KCNMA1: variants seen among roughly 807,000 people sequenced by gnomAD.
KCNMA1 encodes potassium calcium-activated channel subfamily M alpha 1, also known as Calcium-activated potassium channel subunit alpha-1.
In KCNMA1, 29 loss-of-function variants were observed where a neutral mutation model predicts 140.0. The observed-to-expected ratio is 0.21, with a 90% CI of 0.15 to 0.28. The LOEUF is 0.28. Ranked by LOEUF, KCNMA1 falls within the 10% of genes least tolerant of loss-of-function variation. The pLI, the probability that KCNMA1 is intolerant of heterozygous loss-of-function variation, is 1.00. For missense variants in KCNMA1, 880 were observed against 1,602.2 expected (o/e 0.55, Z 7.70); for synonymous variants, 612 against 611.9 (o/e 1.00, Z 0.00).
intron 23 of KCNMA1, among the ~76,000 whole-genome samples, chr10:76,932,220 A>G (rs994104904): frequency 1.3e-5 from 2 of 152,216 alleles, no homozygotes; most frequent in African/African-American, 4.8e-5. Context: ...GTATTGTTCA[A>G]ACATATTAGT....
At chr10:77,144,799 G>T (rs1444443936) in intron 5 of KCNMA1, among the ~76,000 whole-genome samples, 1 of 152,132 alleles carries the variant, frequency 6.6e-6, no homozygotes, top group Non-Finnish European at 1.5e-5. Flanking sequence ...AGAGATGGCT[G>T]GTTTAATTGG....
intron 2 of KCNMA1, among the ~76,000 whole-genome samples, chr10:77,360,961 A>G (rs2093898686): frequency 6.6e-6 from 1 of 151,452 alleles, no homozygotes; most frequent in Admixed American, 6.6e-5. Flanking sequence ...CTGAATAGTG[A>G]CCCTGGGGCT....
chr10:77,008,541 G>C (rs1390042613), intron 18 of KCNMA1, among the ~76,000 whole-genome samples: 1 of 152,212 alleles, frequency 6.6e-6, no homozygotes, highest in Non-Finnish European at 1.5e-5. Context: ...ACTATCACAG[G>C]ATTTCCAGAA....
chr10:77,493,469 C>T (rs759647886), intron 1 of KCNMA1, among the ~76,000 whole-genome samples: 11 of 152,216 alleles, frequency 7.2e-5, no homozygotes, highest in Non-Finnish European at 1.3e-4. Flanking sequence ...AGGCGTCAAG[C>T]GTGAGTTGGA....
intron 24 of KCNMA1, chr10:76,910,836 G>C (rs2049881249): frequency 6.5e-6 from 1 of 154,306 alleles, no homozygotes; most frequent in Non-Finnish European, 1.4e-5. Context: ...AGCAGATGCA[G>C]CATTGGATGC....
chr10:77,481,686 A>C (rs931335626), intron 1 of KCNMA1, among the ~76,000 whole-genome samples: 5 of 151,540 alleles, frequency 3.3e-5, no homozygotes, highest in Non-Finnish European at 7.4e-5. Context: ...GAGACAGGAG[A>C]ATGGCGTGAA....
At chr10:76,958,120 A>C (rs2069154663) in intron 20 of KCNMA1, among the ~76,000 whole-genome samples, 1 of 152,176 alleles carries the variant, frequency 6.6e-6, no homozygotes, top group Non-Finnish European at 1.5e-5. Flanking sequence ...TGATCCAGGG[A>C]GACCCAGAGG....
intron 1 of KCNMA1, among the ~76,000 whole-genome samples, chr10:77,583,269 A>G (rs564244692): frequency 6.6e-6 from 1 of 152,332 alleles, no homozygotes; most frequent in East Asian, 1.9e-4. Flanking sequence ...TAGTCCCACT[A>G]TGAAGCCCAT....
chr10:77,012,730 CT>C (rs756554099), intron 17 of KCNMA1, among the ~76,000 whole-genome samples: 2 of 152,192 alleles, frequency 1.3e-5, no homozygotes, highest in Non-Finnish European at 2.9e-5. Context: ...CAAAGCTCAG[CT>C]GACCACTGGA....
At chr10:77,429,512 T>C (rs1385571966) in intron 1 of KCNMA1, among the ~76,000 whole-genome samples, 1 of 152,182 alleles carries the variant, frequency 6.6e-6, no homozygotes, top group East Asian at 1.9e-4. Context: ...ATTCCCAAAG[T>C]AGAATTCCAA....
chr10:77,208,338 T>G (rs575710210), intron 3 of KCNMA1, among the ~76,000 whole-genome samples: 3 of 152,274 alleles, frequency 2.0e-5, no homozygotes, highest in African/African-American at 7.2e-5. Flanking sequence ...TAAACCTGTA[T>G]GCAGAGCCAG....
At chr10:77,361,582 G>A (rs964600317) in intron 2 of KCNMA1, among the ~76,000 whole-genome samples, 2 of 152,252 alleles carry the variant, frequency 1.3e-5, no homozygotes, top group African/African-American at 2.4e-5. Flanking sequence ...AGAGGTGCAC[G>A]AAAGGAGTTT....
intron 1 of KCNMA1, among the ~76,000 whole-genome samples, chr10:77,505,562 T>G (rs1272700914): frequency 1.3e-5 from 2 of 152,190 alleles, no homozygotes; most frequent in South Asian, 4.1e-4. Flanking sequence ...AAACAGAAGC[T>G]TCCTGGCTTT....
chr10:77,593,010 C>T (rs574871685), intron 1 of KCNMA1, among the ~76,000 whole-genome samples: 1 of 152,298 alleles, frequency 6.6e-6, no homozygotes, highest in Non-Finnish European at 1.5e-5. Context: ...ACTTTAGTTC[C>T]TACTTTCTCC....
At chr10:77,610,617 A>T (rs182206282) in intron 1 of KCNMA1, among the ~76,000 whole-genome samples, 65 of 152,332 alleles carry the variant, frequency 4.3e-4, no homozygotes, top group African/African-American at 1.2e-3. Flanking sequence ...TGGCTAAGTG[A>T]GAGAAGCCAG....
intron 2 of KCNMA1, among the ~76,000 whole-genome samples, chr10:77,341,866 T>G (rs994061811): frequency 6.6e-6 from 1 of 152,252 alleles, no homozygotes; most frequent in Non-Finnish European, 1.5e-5. Context: ...GAATTTGGTA[T>G]AGTCAGGGAC....
chr10:77,302,825 G>C (rs2076847670), intron 2 of KCNMA1, among the ~76,000 whole-genome samples: 1 of 152,072 alleles, frequency 6.6e-6, no homozygotes, highest in Non-Finnish European at 1.5e-5. Flanking sequence ...GAAGAGGTGG[G>C]GGTTAATCAG....
At chr10:77,030,358 A>T (rs1028082413) in intron 15 of KCNMA1, among the ~76,000 whole-genome samples, 1 of 152,230 alleles carries the variant, frequency 6.6e-6, no homozygotes, top group African/African-American at 2.4e-5. Context: ...TCTGGAGCTT[A>T]AATTGTTTTT....
chr10:77,087,674 C>T (rs2096724258), intron 10 of KCNMA1, among the ~76,000 whole-genome samples: 1 of 152,184 alleles, frequency 6.6e-6, no homozygotes, highest in Non-Finnish European at 1.5e-5. Flanking sequence ...ACATCTTTCT[C>T]TTTGGAGGAC....
Sources: gnomAD v4.1 joint callset for allele counts (sites outside exome capture counted in the v4.1 genomes callset) on GRCh38, gnomAD v4.1.1 for gene constraint, MANE v1.5 for transcripts, NCBI Gene and HGNC (gene_info 2026-07-23, HGNC 2026-07-21) for gene names.